Variants in ANKLE2 observed in about 807,000 individuals in gnomAD.
ANKLE2 encodes the protein ankyrin repeat and LEM domain containing 2.
Under a neutral mutation model 84.2 loss-of-function variants are expected in ANKLE2, and 55 were observed. That is an observed-to-expected ratio of 0.65 (90% CI 0.53 to 0.82). ANKLE2 has a LOEUF of 0.82. ANKLE2 is among the 40% of genes least tolerant of loss of function. The pLI is 0.00. For synonymous variants in ANKLE2, 551 were observed against 486.1 expected (o/e 1.13, Z -1.76); for missense variants, 1,238 against 1,201.9 (o/e 1.03, Z -0.44).
intron 1 of ANKLE2, chr12:132,755,929 C>T (rs912722777): frequency 6.6e-6 from 1 of 152,252 alleles, no homozygotes; most frequent in Non-Finnish European, 1.5e-5. Context: ...ACTGCAACCT[C>T]TGCCTCCTGG....
rs556583803 is a variant in ANKLE2, at chr12:132,731,471, G to A, written c.1892-1201C>T. On this transcript the variant is annotated intron_variant, in intron 10 of 12. Transcript: ENST00000357997. Reference sequence around the variant, plus strand: ...TTGTTTTATAAATGAAGTGTCTTGCGGGCTAATGGTTCTATTATGACCTTA... The same window carrying A: ...TTGTTTTATAAATGAAGTGTCTTGCAGGCTAATGGTTCTATTATGACCTTA... The A allele has an allele frequency of 5.9e-5, 9 of 151,966 alleles. No individual in the cohort carries two copies. The South Asian group carries it at 8.3e-4, about 14-fold the overall frequency. The allele number at this position is 151,966 out of a possible 1,614,324, so 9.4% of individuals were successfully genotyped here.
At position 132,728,133 on chromosome 12, in the gene ANKLE2, A is replaced by G; in HGVS notation, c.2514T>C (p.Val838=). 1 of 1,612,924 alleles carries G rather than the reference A, an allele frequency of 6.2e-7. No homozygotes were observed. The highest frequency in any genetic ancestry group is 8.5e-7 in the Non-Finnish European group (1 of 1,179,918). ...GEEPSKLDQD[V]LAALECADVD... ...CGTCTGCACATTCAAGAGCGGCCAAAACATCCTGATCGAGTTTTGATGGCT... is the reference window on the plus strand; with the variant it reads ...CGTCTGCACATTCAAGAGCGGCCAAGACATCCTGATCGAGTTTTGATGGCT... The change falls in exon 12 of 13, where the codon GTT becomes GTC. Residue 838 remains valine, a synonymous_variant. Coordinates refer to ENST00000357997, the MANE Select transcript of ANKLE2 (RefSeq NM_015114.3).
At chr12:132,747,799 T>C in intron 5 of ANKLE2, 33 bp downstream of exon 5, 1 of 1,570,836 alleles carries the variant, frequency 6.4e-7, no homozygotes, top group Non-Finnish European at 8.6e-7. Context: ...ACCAATTAAA[T>C]AAAGAAAGCG....
rs1245378878 is a variant in ANKLE2 at position 132,725,654 on chromosome 12, G to A, written c.*1588C>T. On this transcript the variant is annotated 3_prime_UTR_variant, in exon 13 of 13. Coordinates refer to ENST00000357997, the MANE Select transcript of ANKLE2 (RefSeq NM_015114.3). ...AAGACCTGGGAAATCAGGAGCAGTG[G>A]TCCACATACAAAATCAGGGCCAAAA... 2 of 152,190 alleles carry A rather than the reference G, an allele frequency of 1.3e-5. No individual in the cohort carries two copies. The highest frequency in any genetic ancestry group is 1.3e-4 in the Admixed American group (2 of 15,280). 9.4% of individuals were successfully genotyped at this position (152,190 alleles called of 1,614,324 possible). A position where few individuals can be genotyped will look rare whatever the true frequency, so the allele number is the denominator to read the frequency against.
chr12:132,752,037 C>G (rs889469842), intron 2 of ANKLE2, among the ~76,000 whole-genome samples: 1 of 152,108 alleles, frequency 6.6e-6, no homozygotes, highest in Non-Finnish European at 1.5e-5. Context: ...TTACTGTCCA[C>G]TACTGGATAA....
At chr12:132,733,068 GCTGGTGT>G (rs1338118297) in intron 10 of ANKLE2, among the ~76,000 whole-genome samples, 2 of 129,684 alleles carry the variant, frequency 1.5e-5, no homozygotes, top group Admixed American at 7.7e-5. Context: ...CGCTCTGCAT[GCTGGTGT>G]CTGATACGCA....
At chr12:132,736,678 G>C (rs920094926) in intron 8 of ANKLE2, among the ~76,000 whole-genome samples, 2 of 152,176 alleles carry the variant, frequency 1.3e-5, no homozygotes, top group African/African-American at 4.8e-5. Flanking sequence ...CCAGCACATC[G>C]GCCCTGGTAA....
At chr12:132,727,768 G>T (rs2043739917) in intron 12 of ANKLE2, among the ~76,000 whole-genome samples, 1 of 151,712 alleles carries the variant, frequency 6.6e-6, no homozygotes, top group Non-Finnish European at 1.5e-5. Context: ...GTTTCCCGGA[G>T]AATCCTGTGT....
chr12:132,749,599 G>A (rs1396588606), intron 3 of ANKLE2, among the ~76,000 whole-genome samples: 6 of 152,234 alleles, frequency 3.9e-5, no homozygotes. Flanking sequence ...TGACTGGAAG[G>A]AGAGGGCAAC....
intron 3 of ANKLE2, among the ~76,000 whole-genome samples, chr12:132,749,439 A>G (rs2044310685): frequency 6.6e-6 from 1 of 152,192 alleles, no homozygotes; most frequent in Non-Finnish European, 1.5e-5. Flanking sequence ...CACAGGCGTG[A>G]GCCACCTCGC....
At chr12:132,740,972 C>G (rs1307954610) in intron 7 of ANKLE2, among the ~76,000 whole-genome samples, 4 of 151,176 alleles carry the variant, frequency 2.6e-5, no homozygotes, top group Non-Finnish European at 5.9e-5. Context: ...GAGCGACCCC[C>G]ACCCCAACAC....
intron 2 of ANKLE2, 117 bp downstream of exon 2, chr12:132,754,558 G>C: frequency 1.0e-5 from 10 of 969,862 alleles, no homozygotes; most frequent in Non-Finnish European, 1.5e-5. Context: ...GGGGTGATGA[G>C]ATGGAGGGGA....
intron 5 of ANKLE2, among the ~76,000 whole-genome samples, chr12:132,744,651 G>A (rs554994602): frequency 6.6e-6 from 1 of 152,306 alleles, no homozygotes; most frequent in African/African-American, 2.4e-5. Flanking sequence ...GGGCTGGCAA[G>A]CTTTCTTGGA....
rs1460596237 is a variant in ANKLE2, at chr12:132,730,029, C to A, written c.2133G>T (p.Leu711=). ...GGGGGGCCTTTGGTCTCTTGCCCGCCAGGGTCCTGCTGTGATTCAGAGGAT... is the reference window on the plus strand; with the variant it reads ...GGGGGGCCTTTGGTCTCTTGCCCGCAAGGGTCCTGCTGTGATTCAGAGGAT... ...LCHPLNHSRT[L]AGKRPKAPRG... is the part of the protein sequence containing the mutation. Residue 711 remains leucine (L), a synonymous_variant, in exon 11 of 13, where the codon CTG becomes CTT. Coordinates refer to ENST00000357997, the MANE Select transcript of ANKLE2 (RefSeq NM_015114.3). The A allele has an allele frequency of 3.1e-6, 5 of 1,613,272 alleles. No homozygotes were observed. Among genetic ancestry groups the A allele is most frequent in the Non-Finnish European group, 4.2e-6 (5 of 1,179,906 alleles).
Position 132,729,821 on chromosome 12 carries a change from C to G in ANKLE2, c.2341G>C (p.Asp781His). ...ERDLLEPSPA[D>H]QLGNGHRRTE... ...CTCCTGTGGCCATTCCCGAGTTGGT[C>G]TGCGGGAGAAGGCTCTAACAAGTCT... The change falls in exon 11 of 13, where the codon GAC becomes CAC. Residue 781 changes from aspartate to histidine, a missense_variant. Physicochemically the swap from Asp to His is moderately conservative, Grantham distance 81 (BLOSUM62 -1). This residue lies in a region of ANKLE2 where 802 missense variants were observed against 774.5 expected (regional missense o/e 1.04). Coordinates refer to ENST00000357997, the MANE Select transcript of ANKLE2 (RefSeq NM_015114.3). The G allele has an allele frequency of 6.2e-7, 1 of 1,613,392 alleles. No homozygotes were observed. The highest frequency in any genetic ancestry group is 1.1e-5 in the South Asian group (1 of 91,064).
intron 5 of ANKLE2, among the ~76,000 whole-genome samples, chr12:132,747,047 G>A (rs565066143): frequency 2.6e-5 from 4 of 152,188 alleles, no homozygotes; most frequent in African/African-American, 9.7e-5. Flanking sequence ...CTGGCCCGGG[G>A]GGCACTCATC....
In ANKLE2 at chr12:132,741,538, T is replaced by C. The variant is rs1178245472; in HGVS notation, c.1354-53A>G. On this transcript the variant is annotated intron_variant, in intron 6 of 12. Transcript: ENST00000357997. Reference sequence around the variant, plus strand: ...CTTATTTGATCGCAACATTTCCTTATCATTACAATGATTTCAGAAAAATAG... The same window carrying C: ...CTTATTTGATCGCAACATTTCCTTACCATTACAATGATTTCAGAAAAATAG... The C allele has an allele frequency of 1.1e-5, 17 of 1,526,142 alleles. No homozygotes were observed. The African/African-American group carries it at 2.1e-4, about 18-fold the overall frequency. 94.5% of individuals were successfully genotyped at this position (1,526,142 alleles called of 1,614,324 possible).
chr12:132,730,268 T>G lies in ANKLE2; in HGVS notation c.1894A>C (p.Ser632Arg), dbSNP rs532401958. Residue 632 changes from serine to arginine, a missense_variant and splice_region_variant, in exon 11 of 13, where the codon AGC (serine) becomes CGC (arginine). Coordinates refer to ENST00000357997, the MANE Select transcript of ANKLE2 (RefSeq NM_015114.3). ...SCRDKATTSG[S>R]NSISVRAFLD... is the part of the protein sequence containing the mutation. Reference sequence around the variant, plus strand: ...AACGCCCTCACGGAAATGGAATTGCTGCCTGTGAGGACAACAAGGAGCACT... The same window carrying G: ...AACGCCCTCACGGAAATGGAATTGCGGCCTGTGAGGACAACAAGGAGCACT... 2.0e-4 allele frequency: 307 copies of G among 1,555,602 alleles called. 9 individuals carry two copies. The South Asian group carries it at 3.6e-3, about 18-fold the overall frequency.
In ANKLE2 at chr12:132,734,460, G is replaced by T; in HGVS notation, c.1816C>A (p.Gln606Lys). ...LQRLEEYLTQ[Q>K]EIGKKAQQET... The stretch of plus-strand genomic sequence containing the variant: ...TGTTGAGCCTTTTTGCCTATTTCCT[G>T]CTGTGTGAGATATTCTTCTAGTCTT... Residue 606 changes from glutamine (Q) to lysine (K), a missense_variant, in exon 10 of 13, where the codon CAG (glutamine) becomes AAG (lysine). Transcript: ENST00000357997. 6.2e-7 allele frequency: 1 copy of T among 1,614,086 alleles called. No homozygotes were observed. The highest frequency in any genetic ancestry group is 8.5e-7 in the Non-Finnish European group (1 of 1,180,022).
Sources: gnomAD v4.1 joint callset for allele counts (sites outside exome capture counted in the v4.1 genomes callset) on GRCh38, gnomAD v4.1.1 for gene constraint, gnomAD v4.1.1 regional missense constraint, MANE v1.5 for transcripts, NCBI Gene and HGNC (gene_info 2026-07-23, HGNC 2026-07-21) for gene names.